The following APOBEC3H variants were observed in gnomAD, a reference collection of about 807,000 sequenced individuals.
APOBEC3H encodes DNA dC->dU-editing enzyme APOBEC-3H.
Under a neutral mutation model 21.2 loss-of-function variants are expected in APOBEC3H, and 8 were observed. The observed-to-expected ratio is 0.38, with a 90% CI of 0.22 to 0.68. The LOEUF (loss-of-function observed/expected upper bound fraction) is 0.68, where lower values mean the gene tolerates loss of function less well. APOBEC3H is among the 30% of genes least tolerant of loss of function. The pLI is 0.52. For missense variants in APOBEC3H, 229 were observed against 228.1 expected (o/e 1.00, Z -0.03); for synonymous variants, 88 against 91.0 (o/e 0.97, Z 0.19).
intron 2 of APOBEC3H, among the ~76,000 whole-genome samples, chr22:39,100,940 G>A (rs1320115141): frequency 2.0e-5 from 3 of 152,062 alleles, no homozygotes; most frequent in African/African-American, 7.2e-5. Flanking sequence ...GGACTGGGGC[G>A]TGGAGGTGTT....
chr22:39,097,603 G>A (rs941030928), intron 1 of APOBEC3H, among the ~76,000 whole-genome samples: 5 of 152,218 alleles, frequency 3.3e-5, no homozygotes, highest in African/African-American at 1.2e-4. Context: ...AGTCATGGCT[G>A]GGCTAGTGCT....
chr22:39,101,895 C>G (rs768755703), intron 3 of APOBEC3H, 23 bp from the exon 4 acceptor site: 10 of 1,613,688 alleles, frequency 6.2e-6, no homozygotes, highest in Non-Finnish European at 8.5e-6. Context: ...TGGGGCCTGG[C>G]TGGTTTCCCT....
chr22:39,102,295 C>G (rs1186460214), intron 4 of APOBEC3H, among the ~76,000 whole-genome samples: 6 of 152,048 alleles, frequency 3.9e-5, no homozygotes, highest in Non-Finnish European at 8.8e-5. Context: ...AGTACAGGCA[C>G]TCGCCACCAT....
At chr22:39,100,969 A>G (rs1214097966) in intron 2 of APOBEC3H, among the ~76,000 whole-genome samples, 3 of 152,296 alleles carry the variant, frequency 2.0e-5, no homozygotes, top group East Asian at 3.9e-4. Flanking sequence ...CTCTGGACAC[A>G]GGGATCTTTG....
At chr22:39,102,077 C>T in intron 4 of APOBEC3H, 35 bp downstream of exon 4, 3 of 1,606,072 alleles carry the variant, frequency 1.9e-6, no homozygotes, top group Non-Finnish European at 2.6e-6. Flanking sequence ...CCCCGACCTC[C>T]TCACCGCCTG....
At position 39,098,157 on chromosome 22, in the gene APOBEC3H, T is replaced by C. The variant is rs572163464; in HGVS notation, c.-8+814T>C. On this transcript the variant is annotated intron_variant, in intron 1 of 4. Coordinates refer to ENST00000442487, the MANE Select transcript of APOBEC3H (RefSeq NM_181773.5). ...AAGATGAGAATGGCCCCTGCAGGCC[T>C]AGGGCAGCCTCACGTGAGCTCAGAT... is the stretch of plus-strand genomic sequence containing the variant. Among the ~76,000 whole-genome samples the C allele has an allele frequency of 5.2e-4, 79 of 152,200 alleles. 1 individual carries two copies. The highest frequency in any genetic ancestry group is 5.4e-4 in the Non-Finnish European group (37 of 68,030).
intron 1 of APOBEC3H, among the ~76,000 whole-genome samples, chr22:39,097,649 C>T (rs1321017125): frequency 6.6e-6 from 1 of 152,232 alleles, no homozygotes; most frequent in Admixed American, 6.5e-5. Flanking sequence ...TGTGTGCTTC[C>T]TGCCATTCCT....
intron 3 of APOBEC3H, 150 bp from the exon 4 acceptor site, chr22:39,101,768 G>C (rs1929367199): frequency 1.6e-6 from 2 of 1,263,962 alleles, no homozygotes; most frequent in Admixed American, 2.1e-5. Flanking sequence ...CTCAGTCAAG[G>C]CCCAAGATCT....
chr22:39,098,338 G>A (rs1014419338), intron 1 of APOBEC3H, among the ~76,000 whole-genome samples: 31 of 152,192 alleles, frequency 2.0e-4, no homozygotes, highest in Middle Eastern at 3.4e-3. Flanking sequence ...CTGGGTTCAC[G>A]CCATTTTCCT....
intron 3 of APOBEC3H, 62 bp downstream of exon 3, chr22:39,101,566 G>A: frequency 7.1e-7 from 1 of 1,408,588 alleles, no homozygotes; most frequent in Non-Finnish European, 9.4e-7. Flanking sequence ...CTTGGCAGGG[G>A]CTGGGGGTTG....
chr22:39,101,136 G>GACCCCCCCT, intron 2 of APOBEC3H, 101 bp from the exon 3 acceptor site: 2 of 378,522 alleles, frequency 5.3e-6, no homozygotes, highest in East Asian at 1.2e-4. Context: ...AGACCCCTCT[G>GACCCCCCCT]CCCCCCCATC....
In APOBEC3H at chr22:39,100,402, C is replaced by A. The variant is rs1421709138; in HGVS notation, c.124C>A (p.Pro42Thr). 3 of 1,614,046 alleles carry A rather than the reference C, an allele frequency of 1.9e-6. No individual in the cohort carries two copies. The highest frequency in any genetic ancestry group is 1.7e-6 in the Non-Finnish European group (2 of 1,179,968). ...GCTGACGCCGCAGAATGGCTCCACG[C>A]CCACGAGAGGCTACTTTGAAAACAA... ...YQLTPQNGST[P>T]TRGYFENKKK... Residue 42 changes from proline (P) to threonine (T), a missense_variant, in exon 2 of 5, where the codon CCC (proline) becomes ACC (threonine). Physicochemically the swap from Pro to Thr is conservative, Grantham distance 38. Coordinates refer to ENST00000442487, the MANE Select transcript of APOBEC3H (RefSeq NM_181773.5).
chr22:39,102,387 T>A, intron 4 of APOBEC3H: 1 of 664,458 alleles, frequency 1.5e-6, no homozygotes, highest in Non-Finnish European at 2.8e-6. Context: ...TGGCCTCAAG[T>A]GACCTGCCTT....
At position 39,101,400 on chromosome 22, in the gene APOBEC3H, G is replaced by A. The variant is rs1269159494; in HGVS notation, c.314G>A (p.Gly105Asp). The A allele has an allele frequency of 3.7e-6, 6 of 1,611,814 alleles. No individual in the cohort carries two copies. In the East Asian group the frequency reaches 8.9e-5, roughly 24 times the overall value. ...FIKAHDHLNL[G>D]IFASRLYYHW... ...AAGGCTCACGACCATCTGAACCTGG[G>A]CATCTTCGCCTCCCGCCTGTACTAC... Residue 105 changes from glycine (G) to aspartate (D), a missense_variant, in exon 3 of 5, where the codon GGC (glycine) becomes GAC (aspartate). Gly to Asp is a moderately conservative substitution (Grantham distance 94, BLOSUM62 -1). Transcript: ENST00000442487.
chr22:39,103,416 T>G (rs1253257386), intron 4 of APOBEC3H, among the ~76,000 whole-genome samples: 2 of 152,216 alleles, frequency 1.3e-5, no homozygotes, highest in Non-Finnish European at 2.9e-5. Context: ...GAATTTATGA[T>G]TAAATTCTGA....
chr22:39,101,992 G>A lies in APOBEC3H; in HGVS notation c.493G>A (p.Glu165Lys), dbSNP rs1555909215. ...LSFNPYKMLE[E>K]LDKNSRAIKR... is the part of the protein sequence containing the mutation. ...CTTCAACCCCTATAAGATGTTAGAGGAGCTAGATAAAAACAGTCGAGCCAT... is the reference window on the plus strand; with the variant it reads ...CTTCAACCCCTATAAGATGTTAGAGAAGCTAGATAAAAACAGTCGAGCCAT... The change falls in exon 4 of 5, where the codon GAG becomes AAG. Residue 165 changes from glutamate (E) to lysine (K), a missense_variant. Coordinates refer to ENST00000442487, the MANE Select transcript of APOBEC3H (RefSeq NM_181773.5). The A allele has an allele frequency of 6.2e-7, 1 of 1,613,662 alleles. No homozygotes were observed.
intron 1 of APOBEC3H, among the ~76,000 whole-genome samples, chr22:39,098,216 G>C (rs1483042688): frequency 6.6e-6 from 1 of 152,200 alleles, no homozygotes; most frequent in African/African-American, 2.4e-5. Context: ...CCTGGGCCTG[G>C]GGATGGAAGT....
At chr22:39,099,109 T>G (rs540381812) in intron 1 of APOBEC3H, among the ~76,000 whole-genome samples, 2 of 152,036 alleles carry the variant, frequency 1.3e-5, no homozygotes, top group Admixed American at 1.3e-4. Flanking sequence ...GCAGGAGAAT[T>G]GCTTGAACCC....
intron 4 of APOBEC3H, among the ~76,000 whole-genome samples, chr22:39,102,962 CAA>C (rs58524849): frequency 7.4e-5 from 7 of 94,062 alleles, no homozygotes; most frequent in South Asian, 3.5e-4. Context: ...GACTCTGTCC[CAA>C]AAAAAAAAAA....
Sources: gnomAD v4.1 joint callset for allele counts (sites outside exome capture counted in the v4.1 genomes callset) on GRCh38, gnomAD v4.1.1 for gene constraint, MANE v1.5 for transcripts, NCBI Gene and HGNC (gene_info 2026-07-23, HGNC 2026-07-21) for gene names.